TTC17: variants seen among roughly 807,000 people sequenced by gnomAD.
TTC17 encodes the protein tetratricopeptide repeat domain 17.
In TTC17, 58 loss-of-function variants were observed where a neutral mutation model predicts 143.8. The ratio of observed to expected loss-of-function variants is 0.40; its 90% CI spans 0.33 to 0.50. The LOEUF is 0.50. Ranked by LOEUF, TTC17 falls within the 20% of genes least tolerant of loss-of-function variation. TTC17 has a pLI of 0.49. For synonymous variants in TTC17, 501 were observed against 497.8 expected, an observed-to-expected ratio of 1.01 and a Z score of -0.09; for missense variants, 1,273 against 1,392.5, an observed-to-expected ratio of 0.91 and a Z score of 1.37.
chr11:43,426,622 C>G (rs923869443), intron 16 of TTC17, among the ~76,000 whole-genome samples: 1 of 152,136 alleles, frequency 6.6e-6, no homozygotes, highest in Non-Finnish European at 1.5e-5. Context: ...ATCATACTTG[C>G]TACCTCTACC....
intron 21 of TTC17, among the ~76,000 whole-genome samples, chr11:43,472,685 ATGT>A (rs1329583975): frequency 6.6e-6 from 1 of 152,162 alleles, no homozygotes; most frequent in Admixed American, 6.5e-5. Context: ...TATTTCTATA[ATGT>A]TGATATCAAC....
At chr11:43,398,870 A>G (rs1299747124) in intron 8 of TTC17, among the ~76,000 whole-genome samples, 2 of 152,236 alleles carry the variant, frequency 1.3e-5, no homozygotes, top group Non-Finnish European at 2.9e-5. Flanking sequence ...ATAATGTGGT[A>G]GGAAGTAAAA....
At chr11:43,469,197 A>G (rs1419486529) in intron 21 of TTC17, among the ~76,000 whole-genome samples, 1 of 152,232 alleles carries the variant, frequency 6.6e-6, no homozygotes, top group African/African-American at 2.4e-5. Flanking sequence ...GAAGGGCTAG[A>G]CAGTGAAAAA....
chr11:43,470,853 G>A (rs1228365210), intron 21 of TTC17, among the ~76,000 whole-genome samples: 2 of 152,112 alleles, frequency 1.3e-5, no homozygotes, highest in Admixed American at 6.5e-5. Flanking sequence ...AGGACCCCAC[G>A]TTAAAACCAA....
chr11:43,471,249 G>A (rs1373860858), intron 21 of TTC17, among the ~76,000 whole-genome samples: 1 of 152,164 alleles, frequency 6.6e-6, no homozygotes. Context: ...TAACCATGTG[G>A]GCTGCTGTAG....
At chr11:43,419,893 C>CCT (rs1565156664) in intron 16 of TTC17, among the ~76,000 whole-genome samples, 1 of 152,256 alleles carries the variant, frequency 6.6e-6, no homozygotes, top group African/African-American at 2.4e-5. Context: ...AGTTAGGTCA[C>CCT]CTCCATTTAT....
At chr11:43,416,406 A>G (rs1946781187) in intron 16 of TTC17, among the ~76,000 whole-genome samples, 1 of 152,162 alleles carries the variant, frequency 6.6e-6, no homozygotes, top group Non-Finnish European at 1.5e-5. Flanking sequence ...TTTTCTAAAA[A>G]GTCTTCTCCT....
In TTC17 at chr11:43,398,012, C is replaced by G; in HGVS notation, c.957C>G (p.Asp319Glu). ...ATAACCACTCAGTGCTCTGTTATGACCACGCTTTGCAGGCCAGACCTGGGT... is the reference window on the plus strand; with the variant it reads ...ATAACCACTCAGTGCTCTGTTATGAGCACGCTTTGCAGGCCAGACCTGGGT... The part of the protein sequence containing the change: ...GEYNHSVLCY[D>E]HALQARPGFE... The change falls in exon 8 of 24, where the codon GAC (aspartate) becomes GAG (glutamate). Residue 319 changes from aspartate (D) to glutamate (E), a missense_variant. By Grantham distance (45) the Asp-to-Glu change is conservative (BLOSUM62 2). Coordinates refer to ENST00000039989, the MANE Select transcript of TTC17 (RefSeq NM_018259.6). 1 of 1,611,930 alleles carries G rather than the reference C, an allele frequency of 6.2e-7. No individual in the cohort carries two copies. Among genetic ancestry groups the G allele is most frequent in the Non-Finnish European group, 8.5e-7 (1 of 1,179,218 alleles).
At chr11:43,413,435 A>G (rs959010900) in intron 15 of TTC17, among the ~76,000 whole-genome samples, 2 of 152,208 alleles carry the variant, frequency 1.3e-5, no homozygotes, top group Non-Finnish European at 2.9e-5. Context: ...GTAGGCAAAG[A>G]TGTCAAAAAG....
intron 16 of TTC17, among the ~76,000 whole-genome samples, chr11:43,433,530 A>G (rs1361480205): frequency 6.6e-6 from 1 of 152,196 alleles, no homozygotes. Flanking sequence ...CATTCTTAGA[A>G]TGCACATGGC....
chr11:43,377,082 A>G lies in TTC17; in HGVS notation c.160-2151A>G, dbSNP rs541991820. Among the ~76,000 whole-genome samples the G allele has an allele frequency of 2.6e-5, 4 of 152,284 alleles. 1 individual carries two copies. The South Asian group carries it at 8.3e-4, about 32-fold the overall frequency. ...GCCGAGGCGGGCGAATCACGAGGTC[A>G]GGAGTTCGAGACCAGGCTGGCCAAC... On this transcript the variant is annotated intron_variant, in intron 1 of 23. Transcript: ENST00000039989.
intron 2 of TTC17, among the ~76,000 whole-genome samples, chr11:43,389,192 C>T (rs571588322): frequency 3.3e-5 from 5 of 150,958 alleles, no homozygotes; most frequent in East Asian, 3.9e-4. Flanking sequence ...ATGATAGATA[C>T]GGGTGGTGAA....
chr11:43,478,113 A>G (rs1470291481), intron 21 of TTC17, among the ~76,000 whole-genome samples: 2 of 152,218 alleles, frequency 1.3e-5, no homozygotes, highest in Non-Finnish European at 2.9e-5. Flanking sequence ...AGCATGTTAA[A>G]TGGTACCATG....
At chr11:43,446,041 G>A (rs987367408) in intron 18 of TTC17, 1 of 1,528,912 alleles carries the variant, frequency 6.5e-7, no homozygotes, top group South Asian at 1.2e-5. Context: ...ATGGAGAGAT[G>A]TGGGCTTGAA....
At chr11:43,422,551 G>A (rs1358099491) in intron 16 of TTC17, among the ~76,000 whole-genome samples, 1 of 152,084 alleles carries the variant, frequency 6.6e-6, no homozygotes, top group Non-Finnish European at 1.5e-5. Flanking sequence ...TTAAAGGTCA[G>A]GAAGAAAAAG....
At chr11:43,369,013 A>G (rs1414229017) in intron 1 of TTC17, among the ~76,000 whole-genome samples, 1 of 152,130 alleles carries the variant, frequency 6.6e-6, no homozygotes, top group Non-Finnish European at 1.5e-5. Flanking sequence ...CTCTCCTTTC[A>G]GGTCTCTTTT....
At chr11:43,433,888 T>G (rs1424745534) in intron 16 of TTC17, among the ~76,000 whole-genome samples, 1 of 152,212 alleles carries the variant, frequency 6.6e-6, no homozygotes, top group Non-Finnish European at 1.5e-5. Flanking sequence ...CTTTTAATAG[T>G]CGTGCTTATT....
chr11:43,371,944 C>CA (rs1174609488), intron 1 of TTC17, among the ~76,000 whole-genome samples: 1 of 152,156 alleles, frequency 6.6e-6, no homozygotes, highest in East Asian at 1.9e-4. Context: ...CGCAGCAGCT[C>CA]ACCTGTAGTC....
chr11:43,443,328 C>G lies in TTC17; in HGVS notation c.2255C>G (p.Thr752Arg). 1 of 1,613,676 alleles carries G rather than the reference C, an allele frequency of 6.2e-7. No homozygotes were observed. Among genetic ancestry groups the G allele is most frequent in the Non-Finnish European group, 8.5e-7 (1 of 1,179,816 alleles). ...YNITSSVCSG[T>R]VVEESNGSDE... ...CGTGCTGGCCCTTGAATTTCAGGTA[C>G]GGTGGTTGAGGAGAGCAATGGTTCT... The change falls in exon 17 of 24, where the codon ACG (threonine) becomes AGG (arginine). Residue 752 changes from threonine (T) to arginine (R), a missense_variant. Thr to Arg is a moderately conservative substitution (Grantham distance 71). This residue lies in a region of TTC17 where 878 missense variants were observed against 899.8 expected (regional missense o/e 0.98). Coordinates refer to ENST00000039989, the MANE Select transcript of TTC17 (RefSeq NM_018259.6).
Sources: allele counts gnomAD v4.1 joint callset (sites outside exome capture counted in the v4.1 genomes callset), GRCh38; gene constraint gnomAD v4.1.1; regional missense constraint gnomAD v4.1.1; transcripts MANE v1.5; gene names NCBI Gene and HGNC (gene_info 2026-07-23, HGNC 2026-07-21).